UGT1A9: variants seen among roughly 807,000 people sequenced by gnomAD.
UGT1A9 encodes UDP-glucuronosyltransferase 1A9.
UGT1A9 carries 35 observed loss-of-function variants against 45.0 expected under a neutral mutation model. The observed-to-expected ratio is 0.78, with a 90% confidence interval of 0.59 to 1.03. The LOEUF (loss-of-function observed/expected upper bound fraction) is 1.03, where lower values mean the gene tolerates loss of function less well. Ranked by LOEUF, UGT1A9 falls within the 50% of genes least tolerant of loss-of-function variation. UGT1A9 has a pLI of 0.00. For missense variants in UGT1A9, 687 were observed against 666.6 expected, an observed-to-expected ratio of 1.03 and a Z score of -0.34; for synonymous variants, 278 against 250.6, an observed-to-expected ratio of 1.11 and a Z score of -1.03.
intron 1 of UGT1A9, among the ~76,000 whole-genome samples, chr2:233,674,153 TGGTAACACAGTC>T (rs2074275216): frequency 6.6e-6 from 1 of 152,178 alleles, no homozygotes; most frequent in Admixed American, 6.5e-5. Flanking sequence ...TCAGTAGACT[TGGTAACACAGTC>T]ATATTCTCTC....
intron 1 of UGT1A9, among the ~76,000 whole-genome samples, chr2:233,721,208 T>C (rs1235207261): frequency 6.6e-6 from 1 of 152,250 alleles, no homozygotes; most frequent in East Asian, 1.9e-4. Flanking sequence ...ACTGGTTTTC[T>C]TTTCCCCTTA....
At chr2:233,730,438 G>A (rs1247930586) in intron 1 of UGT1A9, among the ~76,000 whole-genome samples, 7 of 152,192 alleles carry the variant, frequency 4.6e-5, no homozygotes, top group African/African-American at 7.2e-5. Context: ...GTCCCATCTT[G>A]CAAATGATAG....
rs2077433464 is a variant in UGT1A9, at chr2:233,725,312, A to AGAGGCAGAGGCG, written c.856-41717_856-41716insAGAGGCGGAGGC. ...CAGAGGCAGAGGCAGAGGCAGAGGCAGAGGCGCCTGGTCAACAATCTTAAG... is the reference window on the plus strand; with the variant it reads ...CAGAGGCAGAGGCAGAGGCAGAGGCAGAGGCAGAGGCGGAGGCGCCTGGTCAACAATCTTAAG... On this transcript the variant is annotated intron_variant, in intron 1 of 4. Transcript: ENST00000354728. 1.8e-5 allele frequency among the ~76,000 whole-genome samples: 2 copies of AGAGGCAGAGGCG among 110,292 alleles called. 1 individual carries two copies. Among genetic ancestry groups the AGAGGCAGAGGCG allele is most frequent in the Non-Finnish European group, 3.5e-5 (2 of 56,414 alleles). 72.4% of individuals were successfully genotyped at this position (110,292 alleles called of 152,430 possible).
At chr2:233,765,423 G>T (rs181881481) in intron 1 of UGT1A9, among the ~76,000 whole-genome samples, 1 of 152,168 alleles carries the variant, frequency 6.6e-6, no homozygotes, top group South Asian at 2.1e-4. Context: ...ATACTATGCA[G>T]CCATAACAAG....
In UGT1A9 at chr2:233,743,838, C is replaced by A. The variant is rs749381543; in HGVS notation, c.856-23196C>A. 7.3e-6 allele frequency: 10 copies of A among 1,367,292 alleles called. No individual in the cohort carries two copies. In the South Asian group the frequency reaches 1.1e-4, roughly 16 times the overall value. 84.7% of individuals were successfully genotyped at this position (1,367,292 alleles called of 1,614,324 possible). On this transcript the variant is annotated intron_variant, in intron 1 of 4. Coordinates refer to ENST00000354728, the MANE Select transcript of UGT1A9 (RefSeq NM_021027.3). The stretch of plus-strand genomic sequence containing the variant: ...TTTTTGTCGGGGTGCCACTTGAGCG[C>A]CAGCTTGCGGTACGCCTTCTTGATG...
chr2:233,763,825 C>A (rs564952155), intron 1 of UGT1A9, among the ~76,000 whole-genome samples: 1 of 152,266 alleles, frequency 6.6e-6, no homozygotes, highest in South Asian at 2.1e-4. Context: ...GATGTTCCTC[C>A]CCTGCCAGGG....
At chr2:233,723,283 C>G (rs2077074487) in intron 1 of UGT1A9, among the ~76,000 whole-genome samples, 1 of 114,006 alleles carries the variant, frequency 8.8e-6, no homozygotes, top group Non-Finnish European at 1.7e-5. Context: ...GATGTTGGCT[C>G]ACTGCAACCT....
At chr2:233,751,023 A>T (rs193102367) in intron 1 of UGT1A9, among the ~76,000 whole-genome samples, 1 of 151,978 alleles carries the variant, frequency 6.6e-6, no homozygotes, top group East Asian at 1.9e-4. Flanking sequence ...TAGTAGATCC[A>T]ATAGCTTGCA....
Position 233,713,371 on chromosome 2 carries a change from C to G in UGT1A9, c.855+40582C>G, listed in dbSNP as rs949322705. The G allele has an allele frequency of 5.3e-5, 85 of 1,613,982 alleles. No individual in the cohort carries two copies. The highest frequency in any genetic ancestry group is 6.7e-5 in the Non-Finnish European group (79 of 1,180,022). ...AATATGTCTTTGATCATACATAGGT[C>G]TTGTGTGGAGCTACTGCATAATGAG... is the stretch of plus-strand genomic sequence containing the variant. On this transcript the variant is annotated intron_variant, in intron 1 of 4. Coordinates refer to ENST00000354728, the MANE Select transcript of UGT1A9 (RefSeq NM_021027.3).
intron 1 of UGT1A9, among the ~76,000 whole-genome samples, chr2:233,746,318 T>A (rs1693357703): frequency 6.6e-6 from 1 of 151,812 alleles, no homozygotes; most frequent in Non-Finnish European, 1.5e-5. Context: ...GCCCTGTAGA[T>A]GATCTACAGG....
At chr2:233,679,003 C>G (rs191810541) in intron 1 of UGT1A9, among the ~76,000 whole-genome samples, 7 of 152,324 alleles carry the variant, frequency 4.6e-5, no homozygotes, top group Admixed American at 4.6e-4. Flanking sequence ...ATAACAGTGG[C>G]ATCTTCAGTG....
chr2:233,730,011 C>T (rs762436427), intron 1 of UGT1A9: 31 of 1,613,760 alleles, frequency 1.9e-5, no homozygotes, highest in Non-Finnish European at 2.4e-5. Flanking sequence ...TTGGTGCCTT[C>T]ATCCAATCAA....
chr2:233,709,020 G>A (rs2076052860), intron 1 of UGT1A9, among the ~76,000 whole-genome samples: 2 of 152,236 alleles, frequency 1.3e-5, no homozygotes, highest in South Asian at 4.1e-4. Flanking sequence ...TACCCAAGCA[G>A]CAGGGGCTTC....
intron 1 of UGT1A9, among the ~76,000 whole-genome samples, chr2:233,687,117 A>G (rs1400771181): frequency 6.6e-6 from 1 of 152,114 alleles, no homozygotes; most frequent in Non-Finnish European, 1.5e-5. Context: ...TTGGGTAAAA[A>G]CTCAGCGTTA....
At chr2:233,724,652 A>G (rs1267696968) in intron 1 of UGT1A9, among the ~76,000 whole-genome samples, 1 of 140,816 alleles carries the variant, frequency 7.1e-6, no homozygotes, top group Non-Finnish European at 1.5e-5. Flanking sequence ...GCGGCTGGGA[A>G]GAGGCGCTCC....
chr2:233,689,420 C>T (rs2074942005), intron 1 of UGT1A9, among the ~76,000 whole-genome samples: 1 of 152,164 alleles, frequency 6.6e-6, no homozygotes, highest in Admixed American at 6.5e-5. Context: ...TCTCTAATGG[C>T]TTGCAAGTAA....
At chr2:233,695,166 A>AC (rs2075269757) in intron 1 of UGT1A9, among the ~76,000 whole-genome samples, 2 of 139,832 alleles carry the variant, frequency 1.4e-5, no homozygotes, top group African/African-American at 2.7e-5. Context: ...TCACTCTGTC[A>AC]TCAGGCTGGA....
intron 1 of UGT1A9, chr2:233,761,270 C>T (rs990068200): frequency 1.9e-6 from 3 of 1,591,968 alleles, no homozygotes; most frequent in Non-Finnish European, 2.6e-6. Context: ...AAAATGCCCT[C>T]TTTTGTTAAT....
Position 233,719,440 on chromosome 2 carries a change from T to G in UGT1A9, c.855+46651T>G, listed in dbSNP as rs2076766565. The G allele has an allele frequency of 3.7e-6, 6 of 1,613,928 alleles. No individual in the cohort carries two copies. In the East Asian group the frequency reaches 1.3e-4, roughly 36 times the overall value. ...ACGACCAATTCAGACCACATGACAT[T>G]CCTGCAAAGGGTCAAGAACATGCTC... On this transcript the variant is annotated intron_variant, in intron 1 of 4. Coordinates refer to ENST00000354728, the MANE Select transcript of UGT1A9 (RefSeq NM_021027.3).
Sources: allele counts gnomAD v4.1 joint callset (sites outside exome capture counted in the v4.1 genomes callset), GRCh38; gene constraint gnomAD v4.1.1; transcripts MANE v1.5; gene names NCBI Gene and HGNC (gene_info 2026-07-23, HGNC 2026-07-21).